TTBK2: variants seen among roughly 807,000 people sequenced by gnomAD.
TTBK2 encodes the protein tau-tubulin kinase 2.
Under a neutral mutation model 110.8 loss-of-function variants are expected in TTBK2, and 28 were observed. That is an observed-to-expected ratio of 0.25 (90% CI 0.19 to 0.35). The LOEUF is 0.35. Ranked by LOEUF, TTBK2 falls within the 10% of genes least tolerant of loss-of-function variation. TTBK2 has a pLI of 1.00. For synonymous variants in TTBK2, 532 were observed against 527.3 expected, an observed-to-expected ratio of 1.01 and a Z score of -0.12; for missense variants, 1,369 against 1,500.3, an observed-to-expected ratio of 0.91 and a Z score of 1.45.
intron 13 of TTBK2, among the ~76,000 whole-genome samples, chr15:42,771,287 A>G (rs1169860600): frequency 1.3e-5 from 2 of 151,970 alleles, no homozygotes; most frequent in South Asian, 2.1e-4. Flanking sequence ...GCATTCCTTA[A>G]CCTTCCCAGA....
intron 2 of TTBK2, among the ~76,000 whole-genome samples, 200 bp from the exon 3 acceptor site, chr15:42,872,958 T>C (rs1337136232): frequency 6.6e-6 from 1 of 152,014 alleles, no homozygotes; most frequent in Non-Finnish European, 1.5e-5. Context: ...TCCCCACAGG[T>C]TTATCCACAA....
intron 10 of TTBK2, among the ~76,000 whole-genome samples, chr15:42,784,095 GAAAA>G (rs796709075): frequency 6.9e-6 from 1 of 144,798 alleles, no homozygotes; most frequent in African/African-American, 2.5e-5. Flanking sequence ...AAAAGAAAAA[GAAAA>G]AAAAAACTTA....
intron 13 of TTBK2, among the ~76,000 whole-genome samples, chr15:42,754,085 C>CTT (rs68057465): frequency 7.6e-6 from 1 of 132,222 alleles, no homozygotes. Context: ...CTAATGTTTT[C>CTT]TTTTTTTTTT....
chr15:42,817,178 G>A, intron 6 of TTBK2, 81 bp from the exon 7 acceptor site: 3 of 1,101,324 alleles, frequency 2.7e-6, no homozygotes, highest in Admixed American at 2.3e-5. Flanking sequence ...GAAGTAAATG[G>A]AAGAAACACG....
rs192349092 is a variant in TTBK2, at chr15:42,851,105, G to A, written c.218-10672C>T. The stretch of plus-strand genomic sequence containing the variant: ...AAATAAAAAAATAAAAAAATTAGCC[G>A]GTCGTGGTGGTGGGCGCCTGTAGTC... On this transcript the variant is annotated intron_variant, in intron 3 of 14. Coordinates refer to ENST00000267890, the MANE Select transcript of TTBK2 (RefSeq NM_173500.4). Among the ~76,000 whole-genome samples the A allele has an allele frequency of 5.3e-3, 811 of 151,632 alleles. 11 individuals carry two copies. The highest frequency in any genetic ancestry group is 0.04 in the South Asian group (190 of 4,784).
chr15:42,824,069 T>A (rs2140969361), intron 6 of TTBK2, among the ~76,000 whole-genome samples: 1 of 152,176 alleles, frequency 6.6e-6, no homozygotes, highest in Non-Finnish European at 1.5e-5. Flanking sequence ...CCAGGCTCTT[T>A]TTAACAATCA....
intron 13 of TTBK2, among the ~76,000 whole-genome samples, chr15:42,766,366 A>C (rs1281417271): frequency 2.7e-5 from 4 of 150,084 alleles, no homozygotes; most frequent in Admixed American, 2.0e-4. Context: ...TGCTGTATTC[A>C]GGAGACCTAT....
intron 3 of TTBK2, among the ~76,000 whole-genome samples, chr15:42,849,979 T>C (rs1399896398): frequency 3.9e-5 from 6 of 151,964 alleles, no homozygotes; most frequent in Admixed American, 3.9e-4. Context: ...CTCTGCAGAG[T>C]ACTTCCCATG....
intron 7 of TTBK2, among the ~76,000 whole-genome samples, chr15:42,812,561 G>C (rs1891768461): frequency 6.6e-6 from 1 of 152,104 alleles, no homozygotes; most frequent in African/African-American, 2.4e-5. Context: ...AGACCTCATA[G>C]AAGTGCTATA....
chr15:42,760,401 A>C (rs28859419), intron 13 of TTBK2, among the ~76,000 whole-genome samples: 8,684 of 146,958 alleles, frequency 0.059, 619 homozygotes, highest in African/African-American at 0.19. Context: ...AAAAAAAAAA[A>C]AACAAAAAAA....
At chr15:42,880,430 A>C (rs1166332197) in intron 1 of TTBK2, among the ~76,000 whole-genome samples, 1 of 152,150 alleles carries the variant, frequency 6.6e-6, no homozygotes, top group Non-Finnish European at 1.5e-5. Flanking sequence ...TCTGTCACCC[A>C]GGTTGGAGTG....
At chr15:42,832,665 C>T (rs1028056130) in intron 4 of TTBK2, among the ~76,000 whole-genome samples, 1 of 152,122 alleles carries the variant, frequency 6.6e-6, no homozygotes, top group African/African-American at 2.4e-5. Flanking sequence ...CAGAAATAAG[C>T]AGTTAATAAG....
intron 13 of TTBK2, among the ~76,000 whole-genome samples, chr15:42,760,372 G>A (rs1483615570): frequency 8.6e-6 from 1 of 116,922 alleles, no homozygotes; most frequent in African/African-American, 3.4e-5. Flanking sequence ...GTGGCAGAGT[G>A]AGACTCCATC....
chr15:42,752,814 A>G lies in TTBK2; in HGVS notation c.2432T>C (p.Ile811Thr), dbSNP rs370373868. Residue 811 changes from isoleucine to threonine, a missense_variant, in exon 14 of 15, where the codon ATT becomes ACT. This residue lies in a region of TTBK2 where 1,097 missense variants were observed against 1,114.7 expected (regional missense o/e 0.98). Coordinates refer to ENST00000267890, the MANE Select transcript of TTBK2 (RefSeq NM_173500.4). ...EISSLPGDLV[I>T]VEKDHSATTE... ...AGTAGCTGAGTGATCCTTTTCCACA[A>G]TTACCAAATCTCCTGGGAGAGAGGA... The G allele has an allele frequency of 1.9e-6, 3 of 1,614,144 alleles. No homozygotes were observed. Among genetic ancestry groups the G allele is most frequent in the Non-Finnish European group, 1.7e-6 (2 of 1,180,018 alleles).
chr15:42,878,594 C>T lies in TTBK2; in HGVS notation c.24G>A (p.Leu8=), dbSNP rs751767294. 3 of 1,613,338 alleles carry T rather than the reference C, an allele frequency of 1.9e-6. No individual in the cohort carries two copies. The highest frequency in any genetic ancestry group is 1.3e-5 in the African/African-American group (1 of 74,736). Residue 8 remains leucine, a synonymous_variant, in exon 2 of 15, where the codon CTG becomes CTA. Coordinates refer to ENST00000267890, the MANE Select transcript of TTBK2 (RefSeq NM_173500.4). MSGGGEQ[L]DILSVGILVK... ...CTAGGATTCCAACACTCAGGATATC[C>T]AGCTGCTCTCCTCCCCCACTCATTG...
At chr15:42,908,875 C>T (rs2030575715) in intron 1 of TTBK2, among the ~76,000 whole-genome samples, 2 of 152,108 alleles carry the variant, frequency 1.3e-5, no homozygotes, top group African/African-American at 2.4e-5. Context: ...ACCCAAATGT[C>T]CAGCAAGAGA....
At chr15:42,869,635 T>C (rs1333219602) in intron 3 of TTBK2, among the ~76,000 whole-genome samples, 1 of 152,062 alleles carries the variant, frequency 6.6e-6, no homozygotes, top group Non-Finnish European at 1.5e-5. Flanking sequence ...AAACAAAGGA[T>C]GAAGATAGTA....
At chr15:42,750,895 T>C (rs924092139) in intron 14 of TTBK2, among the ~76,000 whole-genome samples, 2 of 152,108 alleles carry the variant, frequency 1.3e-5, no homozygotes, top group East Asian at 1.9e-4. Context: ...ATCAGAAACA[T>C]TGAGGCTGGA....
chr15:42,878,320 G>A (rs1160219165), intron 2 of TTBK2, among the ~76,000 whole-genome samples: 8 of 151,770 alleles, frequency 5.3e-5, no homozygotes, highest in African/African-American at 1.9e-4. Context: ...TTTTTCATCT[G>A]TTCAAAAATT....
Sources: gnomAD v4.1 joint callset for allele counts (sites outside exome capture counted in the v4.1 genomes callset) on GRCh38, gnomAD v4.1.1 for gene constraint, gnomAD v4.1.1 regional missense constraint, MANE v1.5 for transcripts, NCBI Gene and HGNC (gene_info 2026-07-23, HGNC 2026-07-21) for gene names.